APBB1IP: variants seen among roughly 807,000 people sequenced by gnomAD.
The protein encoded by APBB1IP is amyloid beta precursor protein binding family B member 1 interacting protein, also known as amyloid beta A4 precursor protein-binding family B member 1-interacting protein.
In APBB1IP, 27 loss-of-function variants were observed where a neutral mutation model predicts 64.9. The ratio of observed to expected loss-of-function variants is 0.42; its 90% CI spans 0.31 to 0.57. The LOEUF (loss-of-function observed/expected upper bound fraction) is 0.57. Ranked by LOEUF, APBB1IP falls within the 20% of genes least tolerant of loss-of-function variation. The pLI is 0.20. For missense variants in APBB1IP, 812 were observed against 845.5 expected (o/e 0.96, Z 0.49); for synonymous variants, 392 against 331.0 (o/e 1.18, Z -2.00).
intron 2 of APBB1IP, among the ~76,000 whole-genome samples, chr10:26,477,800 A>C (rs1344923255): frequency 3.9e-5 from 6 of 152,180 alleles, no homozygotes; most frequent in Admixed American, 2.6e-4. Flanking sequence ...GTTAGATCAC[A>C]GTTCACTGCA....
chr10:26,454,318 G>A (rs1206831518), intron 2 of APBB1IP, among the ~76,000 whole-genome samples: 2 of 152,062 alleles, frequency 1.3e-5, no homozygotes, highest in Non-Finnish European at 2.9e-5. Context: ...GTGGATGCCT[G>A]TAGTCCCAGC....
At chr10:26,563,140 T>C (rs1182047296) in intron 14 of APBB1IP, among the ~76,000 whole-genome samples, 4 of 152,166 alleles carry the variant, frequency 2.6e-5, no homozygotes, top group East Asian at 1.9e-4. Flanking sequence ...TGAAGCCCTA[T>C]ATGAAGTGCT....
intron 2 of APBB1IP, among the ~76,000 whole-genome samples, chr10:26,475,639 A>G (rs1316379877): frequency 6.6e-6 from 1 of 152,170 alleles, no homozygotes; most frequent in African/African-American, 2.4e-5. Flanking sequence ...GATCTTGGGC[A>G]TGTCATTCGA....
chr10:26,484,990 A>G (rs1835874666), intron 2 of APBB1IP, among the ~76,000 whole-genome samples: 1 of 152,212 alleles, frequency 6.6e-6, no homozygotes, highest in South Asian at 2.1e-4. Context: ...AGTCATTGAT[A>G]CTGTCACTCA....
Position 26,500,860 on chromosome 10 carries a change from A to C in APBB1IP, c.202A>C (p.Met68Leu). The change falls in exon 5 of 15, where the codon ATG becomes CTG. Residue 68 changes from methionine to leucine, a missense_variant. Transcript: ENST00000376236. ...GGAAGACCAAGATTTAGATGCTCTC[A>C]TGGCAGATCTGGTAGCAGACATAAG... ...ALEDQDLDAL[M>L]ADLVADISEA... is the part of the protein sequence containing the mutation. The C allele has an allele frequency of 6.2e-7, 1 of 1,614,188 alleles. No individual in the cohort carries two copies. Among genetic ancestry groups the C allele is most frequent in the Admixed American group, 1.7e-5 (1 of 60,022 alleles).
intron 2 of APBB1IP, among the ~76,000 whole-genome samples, chr10:26,487,639 G>A (rs895856289): frequency 3.3e-5 from 5 of 152,260 alleles, no homozygotes; most frequent in South Asian, 4.1e-4. Flanking sequence ...GAGAGGTCAC[G>A]AGAACGCGCT....
chr10:26,516,302 C>A (rs879672895), intron 8 of APBB1IP, among the ~76,000 whole-genome samples: 7 of 151,880 alleles, frequency 4.6e-5, no homozygotes, highest in Admixed American at 4.6e-4. Context: ...CGCCTGTAAT[C>A]CAGCACTTTG....
At position 26,491,521 on chromosome 10, in the gene APBB1IP, C is replaced by T. The variant is rs576333746; in HGVS notation, c.1-806C>T. ...GCGTCCCACCCTATTTTGTCGCAAA[C>T]TTTTCCTCTTCTTGGGCAATTGCTT... On this transcript the variant is annotated intron_variant, in intron 2 of 14. Coordinates refer to ENST00000376236, the MANE Select transcript of APBB1IP (RefSeq NM_019043.4). Among the ~76,000 whole-genome samples, 310 of 152,262 alleles carry T rather than the reference C, an allele frequency of 2.0e-3. 1 individual carries two copies. Among genetic ancestry groups the T allele is most frequent in the African/African-American group, 6.9e-3 (288 of 41,554 alleles).
Position 26,541,645 on chromosome 10 carries a change from C to T in APBB1IP, c.1108C>T (p.His370Tyr). Reference protein sequence around the residue: ...ENVNIYYGTQHKMKYKAPTDY... With the variant: ...ENVNIYYGTQYKMKYKAPTDY... ...TGTCAACATTTACTATGGGACTCAG[C>T]ATAAAATGAAATATAAAGCGCCCAC... Residue 370 changes from histidine to tyrosine, a missense_variant, in exon 11 of 15, where the codon CAT (histidine) becomes TAT (tyrosine). Physicochemically the swap from His to Tyr is moderately conservative, Grantham distance 83 (BLOSUM62 2). Coordinates refer to ENST00000376236, the MANE Select transcript of APBB1IP (RefSeq NM_019043.4). The T allele has an allele frequency of 6.2e-7, 1 of 1,612,088 alleles. No homozygotes were observed. Among genetic ancestry groups the T allele is most frequent in the South Asian group, 1.1e-5 (1 of 90,490 alleles).
chr10:26,491,952 G>A (rs566734671), intron 2 of APBB1IP, among the ~76,000 whole-genome samples: 28 of 152,032 alleles, frequency 1.8e-4, no homozygotes, highest in Non-Finnish European at 3.5e-4. Flanking sequence ...AGTAGAGATG[G>A]GGTTTCACCA....
intron 2 of APBB1IP, among the ~76,000 whole-genome samples, chr10:26,467,450 C>T (rs995867331): frequency 1.3e-5 from 2 of 152,134 alleles, no homozygotes; most frequent in Non-Finnish European, 2.9e-5. Context: ...CACAGATTAT[C>T]GGGCCCCACC....
chr10:26,517,723 C>A (rs989798402), intron 8 of APBB1IP, among the ~76,000 whole-genome samples: 4 of 152,232 alleles, frequency 2.6e-5, no homozygotes, highest in African/African-American at 9.7e-5. Flanking sequence ...CTAGCTTATT[C>A]TTTTTCACTG....
chr10:26,523,010 CAAAAAAAAAA>C (rs35641109), intron 8 of APBB1IP, among the ~76,000 whole-genome samples: 3 of 64,764 alleles, frequency 4.6e-5, no homozygotes, highest in African/African-American at 1.7e-4. Flanking sequence ...ACTCCATCTC[CAAAAAAAAAA>C]AAAAAAAAAA....
Position 26,457,194 on chromosome 10 carries a change from C to T in APBB1IP, c.-1+18341C>T, listed in dbSNP as rs769200858. 2.3e-4 allele frequency among the ~76,000 whole-genome samples: 35 copies of T among 152,308 alleles called. 1 individual carries two copies. The highest frequency in any genetic ancestry group is 3.7e-4 in the Non-Finnish European group (25 of 68,022). ...TTGCAGATGTTCATAGCCATCAAGT[C>T]AGCCCACCTGTGTTTCTTCTCCGAG... On this transcript the variant is annotated intron_variant, in intron 2 of 14. Coordinates refer to ENST00000376236, the MANE Select transcript of APBB1IP (RefSeq NM_019043.4).
chr10:26,518,026 C>T (rs562358698), intron 8 of APBB1IP, among the ~76,000 whole-genome samples: 1 of 152,252 alleles, frequency 6.6e-6, no homozygotes, highest in East Asian at 1.9e-4. Flanking sequence ...GCAATCTAGG[C>T]TCACTGCAAC....
intron 8 of APBB1IP, among the ~76,000 whole-genome samples, chr10:26,518,244 C>T (rs535598984): frequency 2.1e-5 from 3 of 141,904 alleles, no homozygotes; most frequent in Non-Finnish European, 1.5e-5. Context: ...TGAGCCACCG[C>T]GCCCAGCCTA....
chr10:26,445,170 AAG>A (rs1025774738), intron 2 of APBB1IP, among the ~76,000 whole-genome samples: 3 of 150,302 alleles, frequency 2.0e-5, no homozygotes, highest in African/African-American at 7.3e-5. Context: ...GAAAGAAAGA[AAG>A]AAAGAAAGAA....
intron 2 of APBB1IP, among the ~76,000 whole-genome samples, chr10:26,474,956 A>T (rs1027692563): frequency 6.6e-6 from 1 of 152,232 alleles, no homozygotes; most frequent in Non-Finnish European, 1.5e-5. Flanking sequence ...TAGAGGCGGA[A>T]ACGCCATCAT....
intron 8 of APBB1IP, among the ~76,000 whole-genome samples, chr10:26,516,563 T>TAAAAAAAAAAAAAAAAAAAAAA (rs1198670517): frequency 7.9e-4 from 42 of 53,234 alleles, no homozygotes; most frequent in East Asian, 3.2e-3. Context: ...AAAAAAAAAG[T>TAAAAAAAAAAAAAAAAAAAAAA]AAAGCGGAAA....
Sources: allele counts gnomAD v4.1 joint callset (sites outside exome capture counted in the v4.1 genomes callset), GRCh38; gene constraint gnomAD v4.1.1; transcripts MANE v1.5; gene names NCBI Gene and HGNC (gene_info 2026-07-23, HGNC 2026-07-21).